The following OCRL variants were observed in gnomAD, a reference collection of about 807,000 sequenced individuals.
The protein encoded by OCRL is inositol polyphosphate 5-phosphatase OCRL.
Under a neutral mutation model 78.9 loss-of-function variants are expected in OCRL, and 8 were observed. The ratio of observed to expected loss-of-function variants is 0.10; its 90% confidence interval spans 0.06 to 0.18. The LOEUF is 0.18. OCRL is among the 10% of genes least tolerant of loss of function. The pLI is 1.00. For missense variants in OCRL, 454 were observed against 696.7 expected (o/e 0.65, Z 3.92); for synonymous variants, 240 against 235.4 (o/e 1.02, Z -0.18).
At chrX:129,571,742 A>G (rs191598662) in intron 15 of OCRL, among the ~76,000 whole-genome samples, 29 of 111,509 alleles carry the variant, frequency 2.6e-4, no homozygotes, top group African/African-American at 9.1e-4. Flanking sequence ...TAATAAAGAT[A>G]TGCCTTTTGA....
Position 129,558,968 on chromosome X carries a change from G to A in OCRL, c.689G>A (p.Arg230Gln). 1.7e-6 allele frequency: 2 copies of A among 1,210,744 alleles called. No homozygotes were observed. Among genetic ancestry groups the A allele is most frequent in the Non-Finnish European group, 1.1e-6 (1 of 895,118 alleles). Reference protein sequence around the residue: ...EGLIKHILAKREKEYVNIQTF... With the variant: ...EGLIKHILAKQEKEYVNIQTF... Reference sequence around the variant, plus strand: ...CTCATCAAACATATCCTGGCAAAGCGAGAGAAAGAATATGTCAACATTCAG... The same window carrying A: ...CTCATCAAACATATCCTGGCAAAGCAAGAGAAAGAATATGTCAACATTCAG... The change falls in exon 8 of 24, where the codon CGA (arginine) becomes CAA (glutamine). Residue 230 changes from arginine (R) to glutamine (Q), a missense_variant. Transcript: ENST00000371113.
intron 3 of OCRL, among the ~76,000 whole-genome samples, chrX:129,545,242 A>G (rs887831788): frequency 1.8e-5 from 2 of 112,705 alleles, no homozygotes; most frequent in Middle Eastern, 4.6e-3. Flanking sequence ...ATGTGTGTCT[A>G]TAGTCTCACC....
At chrX:129,548,242 T>C (rs1297671674) in intron 3 of OCRL, among the ~76,000 whole-genome samples, 1 of 112,220 alleles carries the variant, frequency 8.9e-6, no homozygotes, top group African/African-American at 3.2e-5. Flanking sequence ...TTAAGGGGAA[T>C]TAAACTTGCT....
At chrX:129,584,408 T>C (rs1207009069) in intron 19 of OCRL, 41 bp downstream of exon 19, 2 of 1,146,939 alleles carry the variant, frequency 1.7e-6, no homozygotes, top group Non-Finnish European at 1.2e-6. Flanking sequence ...TTCCCTGTGC[T>C]TGATTAACAC....
chrX:129,564,206 A>G (rs1188686288), intron 12 of OCRL, among the ~76,000 whole-genome samples: 1 of 111,093 alleles, frequency 9.0e-6, no homozygotes, highest in Non-Finnish European at 1.9e-5. Context: ...GCAATCATTA[A>G]AAAGTCAGGA....
intron 12 of OCRL, among the ~76,000 whole-genome samples, chrX:129,563,533 G>T (rs188350936): frequency 2.9e-3 from 317 of 111,134 alleles, no homozygotes; most frequent in African/African-American, 9.8e-3. Context: ...ACACACATAG[G>T]TACTTGGTGT....
At chrX:129,587,254 G>C in intron 20 of OCRL, 136 bp downstream of exon 20, 1 of 519,037 alleles carries the variant, frequency 1.9e-6, no homozygotes, top group Non-Finnish European at 3.5e-6. Flanking sequence ...GATCGACTGG[G>C]TGGGTGGAAG....
At chrX:129,567,054 T>C (rs1423306016) in intron 13 of OCRL, among the ~76,000 whole-genome samples, 200 bp from the exon 14 acceptor site, 1 of 112,176 alleles carries the variant, frequency 8.9e-6, no homozygotes, top group African/African-American at 3.2e-5. Context: ...AAGCATCCTA[T>C]CTGAGGGTGA....
chrX:129,558,606 T>C, intron 6 of OCRL, 27 bp from the exon 7 acceptor site: 2 of 1,210,455 alleles, frequency 1.7e-6, no homozygotes, highest in South Asian at 3.5e-5. Context: ...TTTTTCCCCG[T>C]TTGACTTTGG....
At chrX:129,572,321 T>C (rs1936312738) in intron 15 of OCRL, among the ~76,000 whole-genome samples, 2 of 112,171 alleles carry the variant, frequency 1.8e-5, no homozygotes. Flanking sequence ...AAGACCTAGC[T>C]CATTGTACTT....
chrX:129,575,649 C>G lies in OCRL; in HGVS notation c.1714-248C>G, dbSNP rs16992789. Reference sequence around the variant, plus strand: ...CTCTGAACCAAGGTTGGGTTACCCTCTTAGGATCCTAGGAATGATCAGAGT... The same window carrying G: ...CTCTGAACCAAGGTTGGGTTACCCTGTTAGGATCCTAGGAATGATCAGAGT... On this transcript the variant is annotated intron_variant, in intron 16 of 23. Coordinates refer to ENST00000371113, the MANE Select transcript of OCRL (RefSeq NM_000276.4). The G allele has an allele frequency of 0.01, 4,373 of 421,866 alleles. 148 individuals are homozygous for G. Among genetic ancestry groups the G allele is most frequent in the African/African-American group, 0.096 (3,833 of 40,020 alleles). The allele number at this position is 421,866 out of a possible 1,213,427, so 34.8% of individuals were successfully genotyped here.
intron 14 of OCRL, among the ~76,000 whole-genome samples, chrX:129,567,576 T>C (rs933175961): frequency 8.9e-6 from 1 of 112,587 alleles, no homozygotes; most frequent in Admixed American, 9.4e-5. Flanking sequence ...TTATTACTTA[T>C]ATGTCAAGAT....
At chrX:129,572,572 C>T (rs1449645439) in intron 15 of OCRL, among the ~76,000 whole-genome samples, 1 of 112,654 alleles carries the variant, frequency 8.9e-6, no homozygotes, top group East Asian at 2.8e-4. Context: ...ACCATTGGCA[C>T]CAATGACTGT....
chrX:129,555,597 A>G lies in OCRL; in HGVS notation c.239-1728A>G, dbSNP rs181615898. On this transcript the variant is annotated intron_variant, in intron 4 of 23. Transcript: ENST00000371113. ...GAGGATGTAGGAGTGTTTGCAGATC[A>G]CAGAGGTCCAGAAGGTTTTAGGATG... Among the ~76,000 whole-genome samples, 7 of 112,629 alleles carry G rather than the reference A, an allele frequency of 6.2e-5. No individual in the cohort carries two copies. In the East Asian group the frequency reaches 1.7e-3, roughly 27 times the overall value.
At chrX:129,557,463 C>A (rs1339330762) in intron 5 of OCRL, 28 bp downstream of exon 5, 2 of 1,143,986 alleles carry the variant, frequency 1.7e-6, no homozygotes, top group Admixed American at 2.2e-5. Context: ...GATTTTCTTT[C>A]TTCTATTTCA....
At chrX:129,557,249 T>C in intron 4 of OCRL, 76 bp from the exon 5 acceptor site, 1 of 863,222 alleles carries the variant, frequency 1.2e-6, no homozygotes, top group Non-Finnish European at 1.7e-6. Context: ...TCTGTTAACC[T>C]GATAAGTTGA....
intron 19 of OCRL, chrX:129,586,768 G>A (rs752077709): frequency 1.4e-5 from 7 of 506,087 alleles, no homozygotes; most frequent in Admixed American, 2.3e-5. Context: ...CATCATAAAC[G>A]CAAATGAAAT....
chrX:129,547,146 T>G (rs1443881295), intron 3 of OCRL, among the ~76,000 whole-genome samples: 1 of 111,230 alleles, frequency 9.0e-6, no homozygotes, highest in Admixed American at 9.6e-5. Flanking sequence ...GGAGGGTTGC[T>G]TGAGCCCAGC....
chrX:129,541,683 T>C (rs2124384729), intron 2 of OCRL, among the ~76,000 whole-genome samples: 1 of 112,502 alleles, frequency 8.9e-6, no homozygotes, highest in East Asian at 2.8e-4. Context: ...CTTGACATCA[T>C]ATTCCTTCCC....
Sources: allele counts gnomAD v4.1 joint callset (sites outside exome capture counted in the v4.1 genomes callset), GRCh38; gene constraint gnomAD v4.1.1; transcripts MANE v1.5; gene names NCBI Gene and HGNC (gene_info 2026-07-23, HGNC 2026-07-21).